Variants in LNX2 observed in about 807,000 individuals in gnomAD.
The protein encoded by LNX2 is ligand of Numb protein X 2.
In LNX2, 35 loss-of-function variants were observed where a neutral mutation model predicts 66.2. The observed-to-expected ratio is 0.53, with a 90% CI of 0.40 to 0.70. The LOEUF is 0.70. Among genes scored for constraint, LNX2 ranks in the 30% least tolerant of loss-of-function variants. LNX2 has a pLI of 0.00. For missense variants in LNX2, 791 were observed against 850.8 expected, an observed-to-expected ratio of 0.93 and a Z score of 0.87; for synonymous variants, 337 against 315.6, an observed-to-expected ratio of 1.07 and a Z score of -0.72.
intron 7 of LNX2, among the ~76,000 whole-genome samples, chr13:27,555,957 T>C (rs947146716): frequency 2.0e-5 from 3 of 152,178 alleles, no homozygotes; most frequent in African/African-American, 7.2e-5. Flanking sequence ...TCTAAGTCTG[T>C]TGTAATGCTA....
rs1238588342 is a variant in LNX2, at chr13:27,579,040, G to T, written c.407+2257C>A. On this transcript the variant is annotated intron_variant, in intron 2 of 9. Transcript: ENST00000316334. ...GGCAAATAAACTGAAAGACTATAAAGACATGGTTCTGTTTCTAAAGGAATC... is the reference window on the plus strand; with the variant it reads ...GGCAAATAAACTGAAAGACTATAAATACATGGTTCTGTTTCTAAAGGAATC... Among the ~76,000 whole-genome samples the T allele has an allele frequency of 5.3e-5, 8 of 152,274 alleles. No homozygotes were observed. The East Asian group carries it at 1.3e-3, about 26-fold the overall frequency.
intron 6 of LNX2, among the ~76,000 whole-genome samples, chr13:27,557,155 T>C (rs1353866996): frequency 6.6e-6 from 1 of 152,152 alleles, no homozygotes; most frequent in Non-Finnish European, 1.5e-5. Context: ...ACATATGCAA[T>C]ATTAATATTA....
Position 27,547,031 on chromosome 13 carries a change from T to G in LNX2, c.*1304A>C, listed in dbSNP as rs1954947925. 1 of 152,126 alleles carries G rather than the reference T, an allele frequency of 6.6e-6. No individual in the cohort carries two copies. Among genetic ancestry groups the G allele is most frequent in the Non-Finnish European group, 1.5e-5 (1 of 67,994 alleles). The allele number at this position is 152,126 out of a possible 1,614,324, so 9.4% of individuals were successfully genotyped here. ...CTCCTACTTGAAACAACTAATCTCA[T>G]AAGAAATAATGGGAAAAATAATTGT... is the stretch of plus-strand genomic sequence containing the variant. On this transcript the variant is annotated 3_prime_UTR_variant, in exon 10 of 10. Transcript: ENST00000316334.
intron 1 of LNX2, among the ~76,000 whole-genome samples, chr13:27,602,770 T>C (rs1046262420): frequency 1.3e-5 from 2 of 152,220 alleles, no homozygotes; most frequent in Middle Eastern, 3.2e-3. Context: ...AAAGTGGTTG[T>C]ACCATTTGAC....
intron 1 of LNX2, among the ~76,000 whole-genome samples, chr13:27,586,314 G>A (rs80295791): frequency 0.09 from 13,672 of 152,194 alleles, 670 homozygotes; most frequent in Middle Eastern, 0.11. Flanking sequence ...AAAATAACAT[G>A]ATAGGAAAGA....
At chr13:27,572,960 TAAGAATATCTGAA>T (rs1255340045) in intron 2 of LNX2, among the ~76,000 whole-genome samples, 3 of 152,126 alleles carry the variant, frequency 2.0e-5, no homozygotes, top group Non-Finnish European at 4.4e-5. Flanking sequence ...AATGGTGAAT[TAAGAATATCTGAA>T]AAGTCTCTCC....
chr13:27,578,418 A>T (rs929519875), intron 2 of LNX2, among the ~76,000 whole-genome samples: 1 of 152,210 alleles, frequency 6.6e-6, no homozygotes, highest in East Asian at 1.9e-4. Context: ...AGTCGTAGTA[A>T]TCATATTCTG....
intron 1 of LNX2, among the ~76,000 whole-genome samples, chr13:27,588,021 CAA>C (rs56812051): frequency 7.5e-4 from 70 of 93,482 alleles, no homozygotes; most frequent in African/African-American, 2.4e-3. Context: ...ACTCTTGTCA[CAA>C]AAAAAAAAAA....
rs1303241238 is a variant in LNX2 at position 27,567,800 on chromosome 13, G to A, written c.695C>T (p.Thr232Ile). 1 of 1,614,026 alleles carries A rather than the reference G, an allele frequency of 6.2e-7. No homozygotes were observed. Among genetic ancestry groups the A allele is most frequent in the Admixed American group, 1.7e-5 (1 of 59,980 alleles). The change falls in exon 4 of 10, where the codon ACC becomes ATC. Residue 232 changes from threonine (T) to isoleucine (I), a missense_variant. Coordinates refer to ENST00000316334, the MANE Select transcript of LNX2 (RefSeq NM_153371.4). ...ATTGGACCGATGAATTTCAATCGTG[G>A]TGATTTCTCCTTCTGGTAAACTAAG... ...QPLSLPEGEI[T>I]TIEIHRSNPY...
chr13:27,619,513 A>AG (rs1444553323), intron 1 of LNX2, among the ~76,000 whole-genome samples: 1 of 152,226 alleles, frequency 6.6e-6, no homozygotes, highest in Non-Finnish European at 1.5e-5. Flanking sequence ...AGTTCCAATA[A>AG]GCTGGAGCTC....
rs57375748 is a variant in LNX2, at chr13:27,584,389, GAAAA to G, written c.-100-2590_-100-2587del. 8.0e-4 allele frequency among the ~76,000 whole-genome samples: 99 copies of G among 124,440 alleles called. 2 individuals carry two copies. Among genetic ancestry groups the G allele is most frequent in the South Asian group, 2.6e-3 (10 of 3,790 alleles). 81.6% of individuals were successfully genotyped at this position (124,440 alleles called of 152,430 possible). On this transcript the variant is annotated intron_variant, in intron 1 of 9. Transcript: ENST00000316334. The stretch of plus-strand genomic sequence containing the variant: ...AATATGGTAGGACCCTGTCTCTACA[GAAAA>G]AAAAAAAAAAAATAGCTGAGCATGG...
chr13:27,607,848 G>A (rs111284472), intron 1 of LNX2, among the ~76,000 whole-genome samples: 6,704 of 152,292 alleles, frequency 0.044, 210 homozygotes, highest in Non-Finnish European at 0.067. Flanking sequence ...TTAAATTTCC[G>A]TGGTGAAGAG....
chr13:27,609,949 T>A (rs891106285), intron 1 of LNX2, among the ~76,000 whole-genome samples: 1 of 152,260 alleles, frequency 6.6e-6, no homozygotes, highest in African/African-American at 2.4e-5. Context: ...ATGTCTATTT[T>A]TAGCAAAATC....
At chr13:27,606,563 AC>A (rs1955719413) in intron 1 of LNX2, among the ~76,000 whole-genome samples, 2 of 152,350 alleles carry the variant, frequency 1.3e-5, no homozygotes, top group East Asian at 3.9e-4. Context: ...CAAATTTTGC[AC>A]TATTTTAAAT....
intron 2 of LNX2, among the ~76,000 whole-genome samples, chr13:27,570,860 T>C (rs1330939059): frequency 6.6e-6 from 1 of 152,172 alleles, no homozygotes; most frequent in African/African-American, 2.4e-5. Context: ...AGACAGATTA[T>C]GTACACCTGG....
intron 2 of LNX2, among the ~76,000 whole-genome samples, chr13:27,575,217 G>C (rs1286635020): frequency 1.3e-5 from 2 of 152,186 alleles, no homozygotes; most frequent in African/African-American, 2.4e-5. Flanking sequence ...CAATAATTCT[G>C]TGTTGATGGG....
intron 1 of LNX2, among the ~76,000 whole-genome samples, chr13:27,590,984 ATG>A (rs920634048): frequency 6.8e-6 from 1 of 147,928 alleles, no homozygotes; most frequent in East Asian, 1.9e-4. Context: ...ATACATATAT[ATG>A]TGTGTGTGTA....
intron 1 of LNX2, among the ~76,000 whole-genome samples, chr13:27,598,479 T>C (rs1208209582): frequency 6.6e-6 from 1 of 152,086 alleles, no homozygotes; most frequent in South Asian, 2.1e-4. Flanking sequence ...GTAAAAGGAA[T>C]AGATTGGGAG....
intron 1 of LNX2, among the ~76,000 whole-genome samples, chr13:27,607,366 C>CA (rs1297898142): frequency 2.0e-5 from 3 of 152,124 alleles, no homozygotes; most frequent in African/African-American, 7.2e-5. Flanking sequence ...TCTTATGTAC[C>CA]AAAGAAATCA....
Sources: gnomAD v4.1 joint callset for allele counts (sites outside exome capture counted in the v4.1 genomes callset) on GRCh38, gnomAD v4.1.1 for gene constraint, MANE v1.5 for transcripts, NCBI Gene and HGNC (gene_info 2026-07-23, HGNC 2026-07-21) for gene names.